Variants in NEGR1 observed in about 807,000 individuals in gnomAD.
NEGR1 encodes neuronal growth regulator 1.
A neutral mutation model predicts 40.9 loss-of-function variants in NEGR1; 10 were observed. The observed-to-expected ratio is 0.24, with a 90% confidence interval of 0.15 to 0.42. NEGR1 has a LOEUF of 0.42. Ranked by LOEUF, NEGR1 falls within the 10% of genes least tolerant of loss-of-function variation. NEGR1 has a pLI of 1.00. For synonymous variants in NEGR1, 185 were observed against 166.8 expected, an observed-to-expected ratio of 1.11 and a Z score of -0.84; for missense variants, 352 against 438.9, an observed-to-expected ratio of 0.80 and a Z score of 1.77.
intron 1 of NEGR1, among the ~76,000 whole-genome samples, chr1:72,255,853 C>G (rs1344292485): frequency 1.3e-5 from 2 of 151,986 alleles, no homozygotes; most frequent in African/African-American, 4.8e-5. Context: ...CCAGCCAATA[C>G]ATCTTAATTT....
At chr1:72,008,892 T>C (rs1380918343) in intron 1 of NEGR1, among the ~76,000 whole-genome samples, 1 of 152,012 alleles carries the variant, frequency 6.6e-6, no homozygotes, top group Non-Finnish European at 1.5e-5. Flanking sequence ...CTTCAGAAAT[T>C]ACTTTAGTGG....
At chr1:71,547,718 G>A (rs1446631972) in intron 6 of NEGR1, among the ~76,000 whole-genome samples, 2 of 151,670 alleles carry the variant, frequency 1.3e-5, no homozygotes, top group East Asian at 3.9e-4. Flanking sequence ...GGAGAGCACT[G>A]CTTTGCCAGT....
At chr1:71,473,085 A>T (rs529674490) in intron 6 of NEGR1, among the ~76,000 whole-genome samples, 4 of 152,188 alleles carry the variant, frequency 2.6e-5, no homozygotes, top group Non-Finnish European at 5.9e-5. Context: ...ACTTGTCTAA[A>T]AGAAATTTCA....
chr1:72,191,941 C>A (rs975045938), intron 1 of NEGR1, among the ~76,000 whole-genome samples: 2 of 151,844 alleles, frequency 1.3e-5, no homozygotes, highest in Non-Finnish European at 2.9e-5. Flanking sequence ...CCTAAGGTAA[C>A]CCAGGCAATT....
chr1:72,046,324 G>A (rs1647001926), intron 1 of NEGR1, among the ~76,000 whole-genome samples: 1 of 151,476 alleles, frequency 6.6e-6, no homozygotes, highest in African/African-American at 2.4e-5. Flanking sequence ...ACAAAGCCAA[G>A]TAAAGAAAGA....
At chr1:72,183,516 C>T (rs1288318658) in intron 1 of NEGR1, among the ~76,000 whole-genome samples, 1 of 152,082 alleles carries the variant, frequency 6.6e-6, no homozygotes, top group Non-Finnish European at 1.5e-5. Context: ...TTTCATCTTT[C>T]TTGTTTCCCC....
Position 71,406,471 on chromosome 1 carries a change from GA to G in NEGR1, c.*974del, listed in dbSNP as rs1646278729. The G allele has an allele frequency of 6.6e-6, 1 of 151,994 alleles. No homozygotes were observed. The highest frequency in any genetic ancestry group is 2.4e-5 in the African/African-American group (1 of 41,432). The allele number at this position is 151,994 out of a possible 1,614,324, so 9.4% of individuals were successfully genotyped here. A position where few individuals can be genotyped will look rare whatever the true frequency, so the allele number is the denominator to read the frequency against. On this transcript the variant is annotated 3_prime_UTR_variant, in exon 7 of 7. Transcript: ENST00000357731. ...CTTAAAATTTTTGGCTTGGACTAGT[GA>G]AAGGAAAAGATGCTGTATTGCTAGG... is the stretch of plus-strand genomic sequence containing the variant.
At chr1:71,831,834 T>C (rs1056625477) in intron 2 of NEGR1, among the ~76,000 whole-genome samples, 9 of 151,230 alleles carry the variant, frequency 6.0e-5, no homozygotes, top group Non-Finnish European at 8.9e-5. Flanking sequence ...GAGGCAAGAA[T>C]GAGCATACTG....
chr1:71,430,012 C>G (rs962467625), intron 6 of NEGR1, among the ~76,000 whole-genome samples: 10 of 152,140 alleles, frequency 6.6e-5, no homozygotes, highest in Admixed American at 3.3e-4. Flanking sequence ...GTAATTATCT[C>G]CTAGGACAGA....
intron 1 of NEGR1, among the ~76,000 whole-genome samples, chr1:72,161,141 T>A (rs1051333668): frequency 4.6e-5 from 7 of 150,804 alleles, no homozygotes; most frequent in African/African-American, 1.7e-4. Flanking sequence ...AGTTCCTTCA[T>A]CATAATCTAG....
intron 4 of NEGR1, among the ~76,000 whole-genome samples, chr1:71,684,147 G>A (rs1351911898): frequency 6.6e-6 from 1 of 151,980 alleles, no homozygotes; most frequent in African/African-American, 2.4e-5. Flanking sequence ...GTGGGCGCCT[G>A]TAGTCCCAGC....
In NEGR1 at chr1:71,407,331, C is replaced by CTT. The variant is rs1646284610; in HGVS notation, c.*114_*115insAA. 1.2e-6 allele frequency: 1 copy of CTT among 838,236 alleles called. No homozygotes were observed. The highest frequency in any genetic ancestry group is 2.5e-5 in the East Asian group (1 of 39,262). 51.9% of individuals were successfully genotyped at this position (838,236 alleles called of 1,614,324 possible). ...AGCAATTCTACAGAAGGCGATCATC[C>CTT]CCATGTAAGCACTGCTGATTATATC... On this transcript the variant is annotated 3_prime_UTR_variant, in exon 7 of 7. Transcript: ENST00000357731.
intron 4 of NEGR1, among the ~76,000 whole-genome samples, chr1:71,656,464 G>A (rs1235003883): frequency 6.6e-6 from 1 of 152,128 alleles, no homozygotes; most frequent in Non-Finnish European, 1.5e-5. Context: ...CCAAGCTGGA[G>A]TGCAGTGGCG....
intron 6 of NEGR1, among the ~76,000 whole-genome samples, chr1:71,578,678 G>A (rs1053651357): frequency 2.6e-5 from 4 of 152,038 alleles, no homozygotes; most frequent in Non-Finnish European, 1.5e-5. Flanking sequence ...GAAGGAAAGG[G>A]AGATTAGATC....
chr1:71,602,089 TA>T (rs1649939080), intron 5 of NEGR1, among the ~76,000 whole-genome samples: 1 of 152,240 alleles, frequency 6.6e-6, no homozygotes, highest in Middle Eastern at 3.4e-3. Flanking sequence ...TTGTAACATT[TA>T]AGACCCTCCA....
At chr1:71,640,385 G>A (rs1350196772) in intron 4 of NEGR1, among the ~76,000 whole-genome samples, 1 of 152,046 alleles carries the variant, frequency 6.6e-6, no homozygotes, top group Non-Finnish European at 1.5e-5. Context: ...ATATCTCAGA[G>A]TGTCAAACGG....
intron 1 of NEGR1, among the ~76,000 whole-genome samples, chr1:71,999,304 C>T (rs1327750064): frequency 6.6e-6 from 1 of 151,762 alleles, no homozygotes; most frequent in Admixed American, 6.6e-5. Context: ...GTTGACTCAA[C>T]CCTTTCATGT....
At chr1:72,036,604 C>T (rs1191729734) in intron 1 of NEGR1, among the ~76,000 whole-genome samples, 3 of 148,224 alleles carry the variant, frequency 2.0e-5, no homozygotes, top group Non-Finnish European at 4.4e-5. Flanking sequence ...TGCAGTGAGC[C>T]GAGATTGCGC....
chr1:71,591,963 A>G (rs1649516152), intron 6 of NEGR1, among the ~76,000 whole-genome samples: 1 of 152,136 alleles, frequency 6.6e-6, no homozygotes, highest in African/African-American at 2.4e-5. Context: ...AGACAAATAT[A>G]CATTTGTCAA....
Sources: gnomAD v4.1 joint callset for allele counts (sites outside exome capture counted in the v4.1 genomes callset) on GRCh38, gnomAD v4.1.1 for gene constraint, MANE v1.5 for transcripts, NCBI Gene and HGNC (gene_info 2026-07-23, HGNC 2026-07-21) for gene names.